PIK3C2G: variants seen among roughly 807,000 people sequenced by gnomAD.
PIK3C2G encodes phosphatidylinositol-4-phosphate 3-kinase catalytic subunit type 2 gamma, also known as phosphatidylinositol 3-kinase C2 domain-containing subunit gamma.
PIK3C2G carries 168 observed loss-of-function variants against 181.1 expected under a neutral mutation model. The observed-to-expected ratio is 0.93, with a 90% confidence interval of 0.82 to 1.05. The LOEUF (loss-of-function observed/expected upper bound fraction) is 1.05, where lower values mean the gene tolerates loss of function less well. PIK3C2G is among the 50% of genes least tolerant of loss of function. The pLI, the probability that PIK3C2G is intolerant of heterozygous loss-of-function variation, is 0.00. For synonymous variants in PIK3C2G, 573 were observed against 592.2 expected, an observed-to-expected ratio of 0.97 and a Z score of 0.47; for missense variants, 1,869 against 1,732.8, an observed-to-expected ratio of 1.08 and a Z score of -1.40.
the PIK3C2G span, among the ~76,000 whole-genome samples, chr12:18,658,763 A>G: frequency 6.6e-6 from 1 of 152,140 alleles, no homozygotes. Flanking sequence ...TATTTCACAG[A>G]GAGTAAAAAG....
At chr12:18,659,371 A>T in the PIK3C2G span, among the ~76,000 whole-genome samples, 1 of 152,158 alleles carries the variant, frequency 6.6e-6, no homozygotes, top group Non-Finnish European at 1.5e-5. Flanking sequence ...GAGGATAAAG[A>T]ACTCTTTGTT....
At chr12:18,565,473 G>A (rs1373382234) in intron 28 of PIK3C2G, among the ~76,000 whole-genome samples, 1 of 152,064 alleles carries the variant, frequency 6.6e-6, no homozygotes, top group African/African-American at 2.4e-5. Flanking sequence ...AACTTCTGAG[G>A]ACAAGACAAA....
At position 18,381,804 on chromosome 12, in the gene PIK3C2G, TAC is replaced by T; in HGVS notation, c.1921_1922del (p.Gln641GlufsTer2). ...GGGTCTATGCTGTTCAGCATGACAT[TAC>T]AGAGTGAGCCTCCCGTAGAAATGAT... On this transcript the variant is annotated frameshift_variant, in exon 14 of 33. Transcript: ENST00000538779. LOFTEE classifies it high-confidence loss of function. 1.2e-6 allele frequency: 2 copies of T among 1,613,710 alleles called. No individual in the cohort carries two copies. Among genetic ancestry groups the T allele is most frequent in the Non-Finnish European group, 1.7e-6 (2 of 1,179,596 alleles).
intron 18 of PIK3C2G, among the ~76,000 whole-genome samples, chr12:18,443,005 G>A (rs996229061): frequency 4.6e-5 from 7 of 151,984 alleles, no homozygotes; most frequent in Admixed American, 1.3e-4. Flanking sequence ...CCACGTAGCT[G>A]GGATTACAGG....
chr12:18,693,540 T>G, the PIK3C2G span: 1 of 1,610,648 alleles, frequency 6.2e-7, no homozygotes, highest in Admixed American at 1.7e-5. Flanking sequence ...GGCTCTGAAC[T>G]TATTCAGAAG....
chr12:18,711,873 G>C, the PIK3C2G span, among the ~76,000 whole-genome samples: 1 of 151,994 alleles, frequency 6.6e-6, no homozygotes, highest in Non-Finnish European at 1.5e-5. Context: ...ATGTTTAGGA[G>C]AATCAGTGCC....
chr12:18,349,961 A>T (rs987066508), intron 11 of PIK3C2G, among the ~76,000 whole-genome samples: 2 of 152,204 alleles, frequency 1.3e-5, no homozygotes, highest in Non-Finnish European at 2.9e-5. Context: ...TGAAATTGTT[A>T]CATGGGTCTC....
At chr12:18,436,981 T>C (rs2067781) in intron 18 of PIK3C2G, among the ~76,000 whole-genome samples, 7,569 of 152,044 alleles carry the variant, frequency 0.05, 248 homozygotes, top group Non-Finnish European at 0.075. Context: ...CCACTTACCA[T>C]CTTTTAAAAT....
intron 30 of PIK3C2G, among the ~76,000 whole-genome samples, chr12:18,608,172 A>T (rs1014770795): frequency 3.7e-4 from 57 of 152,310 alleles, no homozygotes; most frequent in African/African-American, 1.2e-3. Flanking sequence ...ATCTAGAACT[A>T]GAAATACCAT....
the PIK3C2G span, among the ~76,000 whole-genome samples, chr12:18,674,728 TCTAA>T: frequency 3.9e-5 from 6 of 152,180 alleles, no homozygotes; most frequent in Non-Finnish European, 5.9e-5. Flanking sequence ...TTTTGTTTGC[TCTAA>T]CTAACACGAT....
chr12:18,459,947 T>G (rs1317645457), intron 18 of PIK3C2G, among the ~76,000 whole-genome samples: 1 of 152,170 alleles, frequency 6.6e-6, no homozygotes, highest in Non-Finnish European at 1.5e-5. Flanking sequence ...ATATTTTTAG[T>G]AGAGACGGGG....
intron 18 of PIK3C2G, among the ~76,000 whole-genome samples, chr12:18,429,590 C>T (rs1946036575): frequency 6.6e-6 from 1 of 152,102 alleles, no homozygotes; most frequent in Admixed American, 6.6e-5. Context: ...GCTGCCCTGT[C>T]CCTTCCCCCT....
intron 4 of PIK3C2G, among the ~76,000 whole-genome samples, chr12:18,292,125 G>T (rs1183450208): frequency 1.4e-5 from 2 of 146,890 alleles, no homozygotes; most frequent in African/African-American, 5.0e-5. Flanking sequence ...CAGGAGAATT[G>T]CTTGAACCAG....
chr12:18,478,292 T>C (rs1157722987), intron 18 of PIK3C2G, among the ~76,000 whole-genome samples: 2 of 152,148 alleles, frequency 1.3e-5, no homozygotes, highest in Admixed American at 6.5e-5. Flanking sequence ...CATGTGCTGA[T>C]GTTAGAGACT....
intron 18 of PIK3C2G, among the ~76,000 whole-genome samples, chr12:18,438,371 A>G (rs1220895565): frequency 6.6e-6 from 1 of 151,870 alleles, no homozygotes; most frequent in Non-Finnish European, 1.5e-5. Context: ...GTTTAAGGTT[A>G]AACAGTAGAC....
At chr12:18,694,849 A>C in the PIK3C2G span, 1 of 1,282,238 alleles carries the variant, frequency 7.8e-7, no homozygotes, top group Non-Finnish European at 1.1e-6. Context: ...CAAAATACTA[A>C]TGTACACTAT....
At chr12:18,557,530 A>G (rs1039648516) in intron 26 of PIK3C2G, among the ~76,000 whole-genome samples, 13 of 152,138 alleles carry the variant, frequency 8.5e-5, no homozygotes, top group African/African-American at 2.9e-4. Context: ...TACAGAAAAC[A>G]TTACGCTTAA....
chr12:18,333,143 G>A (rs1234331813), intron 8 of PIK3C2G, among the ~76,000 whole-genome samples: 2 of 152,110 alleles, frequency 1.3e-5, no homozygotes, highest in Non-Finnish European at 2.9e-5. Flanking sequence ...ATCTCTCTTT[G>A]GAGCAGTTTT....
chr12:18,390,924 G>C (rs1943494014), intron 14 of PIK3C2G, among the ~76,000 whole-genome samples, 198 bp from the exon 15 acceptor site: 1 of 151,840 alleles, frequency 6.6e-6, no homozygotes, highest in Non-Finnish European at 1.5e-5. Flanking sequence ...TACATAATTG[G>C]CTAAATAACT....
Sources: allele counts gnomAD v4.1 joint callset (sites outside exome capture counted in the v4.1 genomes callset), GRCh38; gene constraint gnomAD v4.1.1; transcripts MANE v1.5; gene names NCBI Gene and HGNC (gene_info 2026-07-23, HGNC 2026-07-21).